The following TLE5 variants were observed in gnomAD, a reference collection of about 807,000 sequenced individuals.
The protein encoded by TLE5 is TLE family member 5, transcriptional modulator.
TLE5 carries 7 observed loss-of-function variants against 25.8 expected under a neutral mutation model. The observed-to-expected ratio is 0.27, with a 90% confidence interval of 0.15 to 0.51. The LOEUF is 0.51. Ranked by LOEUF, TLE5 falls within the 20% of genes least tolerant of loss-of-function variation. TLE5 has a pLI of 0.97. For missense variants in TLE5, 149 were observed against 250.7 expected (o/e 0.59, Z 2.74); for synonymous variants, 132 against 110.5 (o/e 1.20, Z -1.22).
chr19:3,062,696 C>G (rs1599276901), upstream of TLE5: 1 of 1,501,996 alleles, frequency 6.7e-7, no homozygotes, highest in African/African-American at 1.4e-5. Context: ...CCACCCTCTC[C>G]TACCCGGCAG....
chr19:3,060,945 T>G (rs1463656223), intron 2 of TLE5: 2 of 381,872 alleles, frequency 5.2e-6, no homozygotes, highest in Non-Finnish European at 5.0e-6. Flanking sequence ...AGCTGAATCT[T>G]TGGGCAAATT....
At position 3,057,555 on chromosome 19, in the gene TLE5, C is replaced by A. The variant is rs975477468; in HGVS notation, c.189+124G>T. 16 of 916,582 alleles carry A rather than the reference C, an allele frequency of 1.7e-5. No individual in the cohort carries two copies. The African/African-American group carries it at 2.4e-4, about 14-fold the overall frequency. 56.8% of individuals were successfully genotyped at this position (916,582 alleles called of 1,614,324 possible). ...GGGGCCGGCTGAATGGAGAACAGGC[C>A]CCGATCCTCGCGCTTCCCAGGGGAG... On this transcript the variant is annotated intron_variant, in intron 3 of 6. Transcript: ENST00000327141.
At chr19:3,059,582 T>G (rs1387983435) in intron 2 of TLE5, among the ~76,000 whole-genome samples, 1 of 152,154 alleles carries the variant, frequency 6.6e-6, no homozygotes, top group African/African-American at 2.4e-5. Context: ...TGGCCTTTCT[T>G]GAAAAATAGG....
chr19:3,054,278 G>A (rs1238789094), intron 5 of TLE5, 84 bp from the exon 6 acceptor site: 4 of 1,350,446 alleles, frequency 3.0e-6, no homozygotes, highest in Non-Finnish European at 4.1e-6. Context: ...AGGCCAGGAG[G>A]AGCCCCACTA....
intron 1 of TLE5, 103 bp downstream of exon 1, chr19:3,062,071 G>A: frequency 2.9e-6 from 1 of 348,762 alleles, no homozygotes; most frequent in Non-Finnish European, 3.9e-6. Context: ...CGGGCCGGAG[G>A]CACCGGGCCT....
Position 3,062,379 on chromosome 19 carries a change from GGCGCGCCCCGGGCCCCGCTTCCT to G in TLE5, c.-202_-180del, listed in dbSNP as rs2090279373. The G allele has an allele frequency of 8.2e-6, 5 of 607,722 alleles. No homozygotes were observed. The highest frequency in any genetic ancestry group is 7.2e-5 in the Admixed American group (1 of 13,824). 37.6% of individuals were successfully genotyped at this position (607,722 alleles called of 1,614,324 possible). On this transcript the variant is annotated 5_prime_UTR_variant, in exon 1 of 7. Transcript: ENST00000327141. ...GCCCCCTCCCCGCGCGCCCGGCCCC[GGCGCGCCCCGGGCCCCGCTTCCT>G]GCGCGCCCGGCGCCCCTCCCCGCCC...
At chr19:3,062,720 G>A, upstream of TLE5, 1 of 1,525,552 alleles carries the variant, frequency 6.6e-7, no homozygotes, top group Admixed American at 2.1e-5. Context: ...GCCGGGCCTC[G>A]GTTTCCCCAT....
chr19:3,053,456 A>G lies in TLE5; in HGVS notation c.*363T>C. On this transcript the variant is annotated 3_prime_UTR_variant, in exon 7 of 7. Coordinates refer to ENST00000327141, the MANE Select transcript of TLE5 (RefSeq NM_001130.6). Reference sequence around the variant, plus strand: ...AGGGTGAGAGGGCTGTGGCCCAGGCAGACTGTCGGTTACACATGTTCAAAA... The same window carrying G: ...AGGGTGAGAGGGCTGTGGCCCAGGCGGACTGTCGGTTACACATGTTCAAAA... 3.4e-6 allele frequency: 1 copy of G among 293,546 alleles called. No individual in the cohort carries two copies. Among genetic ancestry groups the G allele is most frequent in the Non-Finnish European group, 6.5e-6 (1 of 154,752 alleles). The allele number at this position is 293,546 out of a possible 1,614,324, so 18.2% of individuals were successfully genotyped here. A position where few individuals can be genotyped will look rare whatever the true frequency, so the allele number is the denominator to read the frequency against.
intron 4 of TLE5, 136 bp from the exon 5 acceptor site, chr19:3,055,862 G>T: frequency 1.0e-6 from 1 of 956,182 alleles, no homozygotes; most frequent in Non-Finnish European, 1.5e-6. Context: ...GCCAGGGTGG[G>T]ATGAGCAAAG....
At chr19:3,061,861 C>T (rs556970474) in intron 1 of TLE5, among the ~76,000 whole-genome samples, 1 of 133,148 alleles carries the variant, frequency 7.5e-6, no homozygotes, top group South Asian at 2.8e-4. Flanking sequence ...CAAGGCCGTC[C>T]GAGGCCCTGA....
intron 1 of TLE5, among the ~76,000 whole-genome samples, chr19:3,061,565 G>C (rs943179220): frequency 2.6e-5 from 4 of 151,944 alleles, no homozygotes; most frequent in African/African-American, 9.7e-5. Flanking sequence ...CAAAGCGCCG[G>C]GAGGGAGTGC....
At position 3,056,367 on chromosome 19, in the gene TLE5, G is replaced by GA. The variant is rs1491326794; in HGVS notation, c.190-12dup. On this transcript the variant is annotated splice_polypyrimidine_tract_variant and intron_variant, in intron 3 of 6. Transcript: ENST00000327141. ...GGACATCTCGTAGTACTGTATGGGG[G>GA]AGAGAGAGGGGGAGCGGGAGATGGG... 5 of 1,116,762 alleles carry GA rather than the reference G, an allele frequency of 4.5e-6. No individual in the cohort carries two copies. Among genetic ancestry groups the GA allele is most frequent in the African/African-American group, 1.8e-5 (1 of 56,640 alleles). 69.2% of individuals were successfully genotyped at this position (1,116,762 alleles called of 1,614,324 possible). A position where few individuals can be genotyped will look rare whatever the true frequency, so the allele number is the denominator to read the frequency against.
chr19:3,059,083 T>C (rs2090243314), intron 2 of TLE5, among the ~76,000 whole-genome samples: 1 of 152,140 alleles, frequency 6.6e-6, no homozygotes, highest in South Asian at 2.1e-4. Context: ...TGCACATGGA[T>C]CTTAGGATAC....
At chr19:3,057,793 G>A (rs2090233142) in intron 2 of TLE5, 51 bp from the exon 3 acceptor site, 3 of 1,561,298 alleles carry the variant, frequency 1.9e-6, no homozygotes, top group Admixed American at 1.7e-5. Context: ...CTGGGCGGGA[G>A]CCCCCCACCC....
At chr19:3,060,889 G>C (rs1455849625) in intron 2 of TLE5, 1 of 254,662 alleles carries the variant, frequency 3.9e-6, no homozygotes, top group Middle Eastern at 1.4e-3. Context: ...TATCCAATGG[G>C]GGACTTGGGG....
chr19:3,054,382 G>A (rs1023298033), intron 5 of TLE5, 188 bp from the exon 6 acceptor site: 113 of 607,312 alleles, frequency 1.9e-4, no homozygotes, highest in Non-Finnish European at 2.3e-4. Context: ...CACCAAGCTC[G>A]TCTCTTCGTC....
chr19:3,061,401 C>A, intron 1 of TLE5, 144 bp from the exon 2 acceptor site: 1 of 522,042 alleles, frequency 1.9e-6, no homozygotes, highest in South Asian at 2.5e-5. Context: ...CCTGGCGCGA[C>A]CCCACCCGCG....
intron 3 of TLE5, chr19:3,056,644 C>T (rs756160679): frequency 7.9e-6 from 5 of 630,748 alleles, no homozygotes; most frequent in South Asian, 7.6e-5. Context: ...TCCCCCACTC[C>T]ATGTGCACCG....
chr19:3,058,973 T>C (rs1205488017), intron 2 of TLE5, among the ~76,000 whole-genome samples: 2 of 152,226 alleles, frequency 1.3e-5, no homozygotes, highest in East Asian at 1.9e-4. Flanking sequence ...CTCTGTGAGG[T>C]ACCACTAACA....
Sources: gnomAD v4.1 joint callset for allele counts (sites outside exome capture counted in the v4.1 genomes callset) on GRCh38, gnomAD v4.1.1 for gene constraint, MANE v1.5 for transcripts, NCBI Gene and HGNC (gene_info 2026-07-23, HGNC 2026-07-21) for gene names.